Variants in ROR1 observed in about 807,000 individuals in gnomAD.
The protein encoded by ROR1 is inactive tyrosine-protein kinase transmembrane receptor ROR1.
In ROR1, 19 loss-of-function variants were observed where a neutral mutation model predicts 78.8. The ratio of observed to expected loss-of-function variants is 0.24; its 90% CI spans 0.17 to 0.35. The LOEUF (loss-of-function observed/expected upper bound fraction) is 0.35, where lower values mean the gene tolerates loss of function less well. Ranked by LOEUF, ROR1 falls within the 10% of genes least tolerant of loss-of-function variation. The pLI is 1.00. For synonymous variants in ROR1, 386 were observed against 433.6 expected, an observed-to-expected ratio of 0.89 and a Z score of 1.36; for missense variants, 917 against 1,177.8, an observed-to-expected ratio of 0.78 and a Z score of 3.24.
At chr1:63,965,307 T>G (rs1646064729) in intron 1 of ROR1, among the ~76,000 whole-genome samples, 1 of 152,164 alleles carries the variant, frequency 6.6e-6, no homozygotes, top group Admixed American at 6.5e-5. Flanking sequence ...TCCATCCTCA[T>G]TGAGGCTGGA....
intron 4 of ROR1, among the ~76,000 whole-genome samples, chr1:64,053,302 A>G (rs56284119): frequency 3.9e-4 from 60 of 152,336 alleles, no homozygotes; most frequent in African/African-American, 1.4e-3. Flanking sequence ...ACAGGGCTAC[A>G]CAACTCCTGC....
chr1:63,943,832 A>C (rs1569951086), intron 1 of ROR1, among the ~76,000 whole-genome samples: 1 of 152,354 alleles, frequency 6.6e-6, no homozygotes, highest in African/African-American at 2.4e-5. Context: ...TGATAATGCA[A>C]ACAAAAAGAA....
At chr1:63,802,568 G>A (rs919717997) in intron 1 of ROR1, among the ~76,000 whole-genome samples, 2 of 152,300 alleles carry the variant, frequency 1.3e-5, no homozygotes, top group East Asian at 3.9e-4. Context: ...TTGAAGGTGC[G>A]TTGGAAGCAG....
chr1:63,860,586 C>CACACACACACACAT (rs1557531613), intron 1 of ROR1, among the ~76,000 whole-genome samples: 5 of 145,002 alleles, frequency 3.4e-5, no homozygotes, highest in African/African-American at 1.3e-4. Flanking sequence ...CACACACACA[C>CACACACACACACAT]ACACACACAC....
intron 1 of ROR1, among the ~76,000 whole-genome samples, chr1:63,781,690 TG>T (rs1644652313): frequency 6.6e-6 from 1 of 152,222 alleles, no homozygotes; most frequent in African/African-American, 2.4e-5. Flanking sequence ...AAATAATTCA[TG>T]GAACACACTC....
intron 4 of ROR1, among the ~76,000 whole-genome samples, chr1:64,131,247 G>T (rs1363451043): frequency 6.6e-6 from 1 of 152,080 alleles, no homozygotes; most frequent in Admixed American, 6.5e-5. Context: ...GAAAGGGGCT[G>T]GGGGGATAAA....
chr1:64,004,009 A>T (rs1646408271), intron 1 of ROR1, among the ~76,000 whole-genome samples: 1 of 152,196 alleles, frequency 6.6e-6, no homozygotes, highest in South Asian at 2.1e-4. Context: ...CTGCTTGGAA[A>T]TTCCTTGAGT....
intron 1 of ROR1, among the ~76,000 whole-genome samples, chr1:63,851,253 C>G (rs968507277): frequency 6.6e-6 from 1 of 152,188 alleles, no homozygotes; most frequent in African/African-American, 2.4e-5. Context: ...ACTGGGATTA[C>G]AGGCGTGAGC....
At chr1:64,082,459 A>G (rs1379727739) in intron 4 of ROR1, among the ~76,000 whole-genome samples, 1 of 152,210 alleles carries the variant, frequency 6.6e-6, no homozygotes, top group Non-Finnish European at 1.5e-5. Context: ...AGAGATGCAT[A>G]TATGGTAGGA....
intron 7 of ROR1, among the ~76,000 whole-genome samples, chr1:64,153,832 GAATA>G (rs1249665824): frequency 1.3e-5 from 2 of 152,090 alleles, no homozygotes; most frequent in Non-Finnish European, 2.9e-5. Flanking sequence ...TGCACAACAA[GAATA>G]AATATATGTA....
At chr1:64,061,938 T>G (rs1646919801) in intron 4 of ROR1, among the ~76,000 whole-genome samples, 1 of 152,230 alleles carries the variant, frequency 6.6e-6, no homozygotes, top group Non-Finnish European at 1.5e-5. Flanking sequence ...AATCACCCTC[T>G]TTTATCTGTC....
intron 1 of ROR1, among the ~76,000 whole-genome samples, chr1:63,881,647 T>G (rs916708753): frequency 1.3e-5 from 2 of 152,224 alleles, no homozygotes; most frequent in Non-Finnish European, 2.9e-5. Flanking sequence ...GGAAAATTTA[T>G]TTTTTAAATG....
At chr1:63,849,844 G>T (rs922691247) in intron 1 of ROR1, among the ~76,000 whole-genome samples, 1 of 152,098 alleles carries the variant, frequency 6.6e-6, no homozygotes, top group African/African-American at 2.4e-5. Flanking sequence ...AATGTTTTAA[G>T]TGTACAGAAA....
chr1:63,825,638 G>A (rs1431292037), intron 1 of ROR1, among the ~76,000 whole-genome samples: 1 of 152,168 alleles, frequency 6.6e-6, no homozygotes, highest in African/African-American at 2.4e-5. Context: ...TTATTGAACT[G>A]TACACTAAAT....
intron 1 of ROR1, among the ~76,000 whole-genome samples, chr1:63,815,993 C>G (rs1435642387): frequency 1.3e-5 from 2 of 152,172 alleles, no homozygotes; most frequent in African/African-American, 4.8e-5. Context: ...GATGATGACC[C>G]TTCTTGGAAT....
intron 2 of ROR1, among the ~76,000 whole-genome samples, chr1:64,023,789 A>G (rs1214792356): frequency 6.6e-6 from 1 of 152,174 alleles, no homozygotes; most frequent in Non-Finnish European, 1.5e-5. Context: ...TATTTTTAAC[A>G]TCATTTTTAT....
intron 1 of ROR1, among the ~76,000 whole-genome samples, chr1:63,875,291 T>C (rs1645278061): frequency 6.6e-6 from 1 of 152,208 alleles, no homozygotes; most frequent in South Asian, 2.1e-4. Context: ...TAGCTTTTAT[T>C]GAATTTACAA....
intron 1 of ROR1, among the ~76,000 whole-genome samples, chr1:63,899,729 T>G (rs1424279703): frequency 4.6e-5 from 7 of 151,908 alleles, no homozygotes; most frequent in Admixed American, 4.6e-4. Context: ...GGAAATGTTC[T>G]TTGCTCTCTG....
intron 4 of ROR1, among the ~76,000 whole-genome samples, chr1:64,083,217 G>T (rs1647118364): frequency 6.6e-6 from 1 of 152,184 alleles, no homozygotes; most frequent in South Asian, 2.1e-4. Flanking sequence ...ACTCTGGGAA[G>T]TGTAGGATCA....
Sources: allele counts gnomAD v4.1 joint callset (sites outside exome capture counted in the v4.1 genomes callset), GRCh38; gene constraint gnomAD v4.1.1; transcripts MANE v1.5; gene names NCBI Gene and HGNC (gene_info 2026-07-23, HGNC 2026-07-21).